Variants in STPG2 observed in about 807,000 individuals in gnomAD.
The protein encoded by STPG2 is sperm-tail PG-rich repeat-containing protein 2.
Under a neutral mutation model 54.2 loss-of-function variants are expected in STPG2, and 56 were observed. The observed-to-expected ratio is 1.03, with a 90% CI of 0.83 to 1.29. The LOEUF (loss-of-function observed/expected upper bound fraction) is 1.29. STPG2 is among the 50% of genes most tolerant of loss of function. STPG2 has a pLI of 0.00. For synonymous variants in STPG2, 200 were observed against 181.8 expected (o/e 1.10, Z -0.81); for missense variants, 596 against 544.9 (o/e 1.09, Z -0.93).
intron 9 of STPG2, among the ~76,000 whole-genome samples, chr4:97,782,847 T>C (rs1043100469): frequency 2.0e-5 from 3 of 152,224 alleles, no homozygotes; most frequent in Non-Finnish European, 4.4e-5. Context: ...CCCTATTTAA[T>C]AAATGGTGCT....
At position 97,579,589 on chromosome 4, in the gene STPG2, C is replaced by G. The variant is rs1422427007; in HGVS notation, c.1321-20472G>C. Among the ~76,000 whole-genome samples the G allele has an allele frequency of 2.6e-5, 4 of 152,030 alleles. No individual in the cohort carries two copies. The East Asian group carries it at 7.7e-4, about 29-fold the overall frequency. On this transcript the variant is annotated intron_variant, in intron 10 of 10. Transcript: ENST00000295268. ...ATATTGCTGGTGAAACTTCAAAACT[C>G]TGGCCCTTCATCTTCTAAATTGGAA...
rs190560013 is a variant in STPG2 at position 98,100,428 on chromosome 4, A to G, written c.612+5525T>C. ...AACACCATTAAGCATTAAGGGTCAA[A>G]ACAACCTGGAAATCTGAAATCTTGA... On this transcript the variant is annotated intron_variant, in intron 5 of 10. Transcript: ENST00000295268. Among the ~76,000 whole-genome samples, 346 of 152,250 alleles carry G rather than the reference A, an allele frequency of 2.3e-3. 1 individual carries two copies. Among genetic ancestry groups the G allele is most frequent in the Non-Finnish European group, 3.5e-3 (237 of 67,988 alleles).
At chr4:97,731,874 G>A (rs928585955) in intron 9 of STPG2, among the ~76,000 whole-genome samples, 2 of 152,204 alleles carry the variant, frequency 1.3e-5, no homozygotes, top group Non-Finnish European at 2.9e-5. Flanking sequence ...CTGCAGCTTT[G>A]TCCTTTGGCC....
intron 4 of STPG2, among the ~76,000 whole-genome samples, chr4:97,442,664 CG>C (rs912075885): frequency 6.6e-6 from 1 of 151,898 alleles, no homozygotes; most frequent in Admixed American, 6.6e-5. Flanking sequence ...CAGAGGGCTT[CG>C]AATGGAAGTG....
chr4:97,733,438 G>A (rs541546315), intron 9 of STPG2, among the ~76,000 whole-genome samples: 1 of 152,172 alleles, frequency 6.6e-6, no homozygotes, highest in Non-Finnish European at 1.5e-5. Flanking sequence ...GAATGTAGAA[G>A]GGGGAGGGTG....
chr4:97,961,124 G>A (rs113198493), intron 7 of STPG2, among the ~76,000 whole-genome samples: 3 of 149,724 alleles, frequency 2.0e-5, no homozygotes, highest in African/African-American at 7.3e-5. Flanking sequence ...CAACAAACGT[G>A]CTGGGAAAAT....
chr4:97,557,187 A>C (rs779636478), downstream of STPG2, among the ~76,000 whole-genome samples: 7 of 152,164 alleles, frequency 4.6e-5, no homozygotes, highest in East Asian at 1.9e-4. Flanking sequence ...CAAAAAAAAA[A>C]CAAAATACTG....
At chr4:97,740,720 A>C (rs965948707) in intron 9 of STPG2, among the ~76,000 whole-genome samples, 3 of 152,222 alleles carry the variant, frequency 2.0e-5, no homozygotes, top group African/African-American at 7.2e-5. Flanking sequence ...AGAGGATACA[A>C]ACAAATGGAA....
At chr4:97,475,922 T>A (rs557637204) in intron 4 of STPG2, among the ~76,000 whole-genome samples, 1 of 152,258 alleles carries the variant, frequency 6.6e-6, no homozygotes, top group African/African-American at 2.4e-5. Context: ...GTTTCTTTTT[T>A]CTTTACGCCA....
At chr4:97,803,381 G>T (rs148195042) in intron 9 of STPG2, among the ~76,000 whole-genome samples, 8 of 152,200 alleles carry the variant, frequency 5.3e-5, no homozygotes, top group Middle Eastern at 3.4e-3. Flanking sequence ...AAAATACTAG[G>T]TTCTTGACCA....
At chr4:98,103,887 T>G (rs1326935021) in intron 5 of STPG2, among the ~76,000 whole-genome samples, 1 of 152,158 alleles carries the variant, frequency 6.6e-6, no homozygotes, top group East Asian at 1.9e-4. Context: ...ATTATCACCT[T>G]CATGAGTATG....
chr4:97,757,984 A>G (rs1447183932), intron 9 of STPG2, among the ~76,000 whole-genome samples: 2 of 152,214 alleles, frequency 1.3e-5, no homozygotes, highest in Non-Finnish European at 2.9e-5. Flanking sequence ...ATTGTAGAAT[A>G]CTAAACAATT....
At chr4:97,802,744 T>C (rs1727437659) in intron 9 of STPG2, among the ~76,000 whole-genome samples, 1 of 152,122 alleles carries the variant, frequency 6.6e-6, no homozygotes, top group Non-Finnish European at 1.5e-5. Flanking sequence ...TTGCTGGGAT[T>C]ACAAGTGTGA....
intron 5 of STPG2, among the ~76,000 whole-genome samples, chr4:98,067,517 T>G (rs140408828): frequency 1.3e-5 from 2 of 152,204 alleles, no homozygotes; most frequent in Admixed American, 6.5e-5. Flanking sequence ...GATACTAAAA[T>G]AAGTTAATGT....
chr4:97,888,566 A>T (rs1438673409), intron 8 of STPG2, among the ~76,000 whole-genome samples: 2 of 152,172 alleles, frequency 1.3e-5, no homozygotes, highest in Non-Finnish European at 2.9e-5. Flanking sequence ...ACAAAATTGT[A>T]TCTTGGAAGT....
chr4:98,098,220 A>T (rs1314766081), intron 5 of STPG2, among the ~76,000 whole-genome samples: 1 of 152,190 alleles, frequency 6.6e-6, no homozygotes, highest in East Asian at 1.9e-4. Flanking sequence ...CCTAACCTCA[A>T]TATTACAGAG....
chr4:97,937,514 T>C (rs898536475), intron 8 of STPG2, among the ~76,000 whole-genome samples: 1 of 152,168 alleles, frequency 6.6e-6, no homozygotes, highest in Non-Finnish European at 1.5e-5. Flanking sequence ...TCTTCGTGAG[T>C]TTGTCTAGTG....
chr4:98,139,234 T>C (rs1740214702), intron 1 of STPG2, among the ~76,000 whole-genome samples: 1 of 151,842 alleles, frequency 6.6e-6, no homozygotes, highest in Non-Finnish European at 1.5e-5. Flanking sequence ...GGAAATCGAG[T>C]TTCAATTAAG....
intron 9 of STPG2, among the ~76,000 whole-genome samples, chr4:97,784,202 A>G (rs1726751470): frequency 1.3e-5 from 2 of 152,152 alleles, no homozygotes; most frequent in African/African-American, 4.8e-5. Flanking sequence ...ATTATATGCT[A>G]TATCTGTGGC....
Sources: allele counts gnomAD v4.1 joint callset (sites outside exome capture counted in the v4.1 genomes callset), GRCh38; gene constraint gnomAD v4.1.1; transcripts MANE v1.5; gene names NCBI Gene and HGNC (gene_info 2026-07-23, HGNC 2026-07-21).